The following LARGE1 variants were observed in gnomAD, a reference collection of about 807,000 sequenced individuals.
LARGE1 encodes the protein xylosyl- and glucuronyltransferase LARGE1.
Under a neutral mutation model 87.6 loss-of-function variants are expected in LARGE1, and 43 were observed. That is an observed-to-expected ratio of 0.49 (90% confidence interval 0.38 to 0.63). The LOEUF is 0.63. Among genes scored for constraint, LARGE1 ranks in the 30% least tolerant of loss-of-function variants. The pLI is 0.00. For missense variants in LARGE1, 802 were observed against 1,000.2 expected (o/e 0.80, Z 2.67); for synonymous variants, 434 against 394.6 (o/e 1.10, Z -1.18).
At chr22:33,576,196 G>C (rs2078347802) in intron 5 of LARGE1, among the ~76,000 whole-genome samples, 1 of 152,158 alleles carries the variant, frequency 6.6e-6, no homozygotes, top group Admixed American at 6.5e-5. Context: ...ACACATAGAA[G>C]GCACTCAATG....
intron 6 of LARGE1, among the ~76,000 whole-genome samples, chr22:33,457,971 G>C (rs1375317313): frequency 6.6e-6 from 1 of 152,108 alleles, no homozygotes; most frequent in Non-Finnish European, 1.5e-5. Flanking sequence ...CTGAGCTTTG[G>C]TTTGCTCTTG....
chr22:33,792,685 A>C (rs781210309), intron 1 of LARGE1, among the ~76,000 whole-genome samples: 1 of 152,182 alleles, frequency 6.6e-6, no homozygotes, highest in Non-Finnish European at 1.5e-5. Context: ...ACAAAAAAAA[A>C]CAAAGCACAG....
At chr22:33,510,412 G>A (rs376122010) in intron 6 of LARGE1, among the ~76,000 whole-genome samples, 31 of 152,344 alleles carry the variant, frequency 2.0e-4, no homozygotes, top group African/African-American at 6.0e-4. Context: ...TTGTGTCTCC[G>A]TGCTAGTAAA....
chr22:33,880,527 T>A (rs1246195413), intron 1 of LARGE1, among the ~76,000 whole-genome samples: 1 of 152,184 alleles, frequency 6.6e-6, no homozygotes, highest in Non-Finnish European at 1.5e-5. Context: ...CTCTGCCATG[T>A]GCGGCCTGAA....
intron 6 of LARGE1, among the ~76,000 whole-genome samples, chr22:33,494,031 C>T (rs1195094580): frequency 6.6e-6 from 1 of 152,258 alleles, no homozygotes; most frequent in Non-Finnish European, 1.5e-5. Context: ...GATGCCCACT[C>T]CGTGGCTAAC....
chr22:33,471,396 C>T (rs1351097851), intron 6 of LARGE1, among the ~76,000 whole-genome samples: 1 of 152,052 alleles, frequency 6.6e-6, no homozygotes, highest in African/African-American at 2.4e-5. Flanking sequence ...CGAACAACCC[C>T]ACAAAGTACA....
intron 9 of LARGE1, among the ~76,000 whole-genome samples, chr22:33,340,778 C>T (rs1322950929): frequency 6.6e-6 from 1 of 151,772 alleles, no homozygotes; most frequent in African/African-American, 2.4e-5. Context: ...GGCATGCAAT[C>T]GTAAAGGGGA....
the LARGE1 span, among the ~76,000 whole-genome samples, chr22:33,089,394 TTCTTC>T: frequency 7.1e-6 from 1 of 141,646 alleles, no homozygotes; most frequent in African/African-American, 2.7e-5. Context: ...CTTCCTCTTC[TTCTTC>T]TTTCTTCTTC....
At chr22:33,773,771 A>G (rs889489961) in intron 1 of LARGE1, among the ~76,000 whole-genome samples, 1 of 152,232 alleles carries the variant, frequency 6.6e-6, no homozygotes, top group Non-Finnish European at 1.5e-5. Flanking sequence ...GCCCATGGCA[A>G]TATCAGGCAC....
chr22:33,347,783 G>A (rs1939928781), intron 9 of LARGE1, among the ~76,000 whole-genome samples: 1 of 152,110 alleles, frequency 6.6e-6, no homozygotes, highest in Non-Finnish European at 1.5e-5. Flanking sequence ...TCTGTAGAAG[G>A]GGTGTTTGAA....
intron 6 of LARGE1, among the ~76,000 whole-genome samples, chr22:33,538,653 G>C (rs1214956908): frequency 6.6e-6 from 1 of 152,078 alleles, no homozygotes; most frequent in Non-Finnish European, 1.5e-5. Context: ...GGGAAGTAAG[G>C]AAAATGAGAT....
chr22:33,763,782 A>G (rs1374317014), intron 1 of LARGE1, among the ~76,000 whole-genome samples: 1 of 148,834 alleles, frequency 6.7e-6, no homozygotes, highest in Non-Finnish European at 1.5e-5. Flanking sequence ...TTTTAAGTAC[A>G]TTTCAGGGGC....
chr22:33,853,944 G>A (rs2063682331), intron 1 of LARGE1, among the ~76,000 whole-genome samples: 1 of 152,094 alleles, frequency 6.6e-6, no homozygotes, highest in South Asian at 2.1e-4. Context: ...ATGCGAAAGT[G>A]AAACTGCTCT....
chr22:33,192,544 A>G (rs924030365), intron 11 of LARGE1, among the ~76,000 whole-genome samples: 9 of 152,114 alleles, frequency 5.9e-5, no homozygotes, highest in African/African-American at 2.4e-5. Flanking sequence ...GAATTGTATG[A>G]ATTTCTTACA....
chr22:33,857,802 AATTAGTTCAACC>A (rs1267839343), intron 1 of LARGE1, among the ~76,000 whole-genome samples: 1 of 152,190 alleles, frequency 6.6e-6, no homozygotes, highest in Non-Finnish European at 1.5e-5. Flanking sequence ...TAGGAGTGTA[AATTAGTTCAACC>A]ATTGTGGAAG....
At chr22:33,591,518 TGG>T (rs2078837636) in intron 5 of LARGE1, among the ~76,000 whole-genome samples, 2 of 152,210 alleles carry the variant, frequency 1.3e-5, no homozygotes, top group South Asian at 4.1e-4. Flanking sequence ...TTCTTATTAT[TGG>T]TGTAAGACCT....
intron 9 of LARGE1, among the ~76,000 whole-genome samples, chr22:33,378,333 A>G (rs1430236833): frequency 6.6e-6 from 1 of 152,114 alleles, no homozygotes; most frequent in Non-Finnish European, 1.5e-5. Flanking sequence ...TCTACCTAAA[A>G]CCAAGGATGA....
intron 1 of LARGE1, among the ~76,000 whole-genome samples, chr22:33,816,883 A>G (rs972626214): frequency 1.4e-4 from 21 of 152,134 alleles, no homozygotes; most frequent in Non-Finnish European, 2.8e-4. Context: ...AGGAAAAGTG[A>G]GTCTAACGCA....
chr22:33,088,152 GT>G, the LARGE1 span, among the ~76,000 whole-genome samples: 2 of 151,782 alleles, frequency 1.3e-5, no homozygotes, highest in Admixed American at 6.6e-5. Context: ...TAGTTGCATC[GT>G]ACTCAACCAT....
Sources: gnomAD v4.1 joint callset for allele counts (sites outside exome capture counted in the v4.1 genomes callset) on GRCh38, gnomAD v4.1.1 for gene constraint, MANE v1.5 for transcripts, NCBI Gene and HGNC (gene_info 2026-07-23, HGNC 2026-07-21) for gene names.